The following HECW1 variants were observed in gnomAD, a reference collection of about 807,000 sequenced individuals.
HECW1 encodes E3 ubiquitin-protein ligase HECW1.
Under a neutral mutation model 182.3 loss-of-function variants are expected in HECW1, and 61 were observed. The ratio of observed to expected loss-of-function variants is 0.33; its 90% CI spans 0.27 to 0.41. The LOEUF (loss-of-function observed/expected upper bound fraction) is 0.41. HECW1 is among the 10% of genes least tolerant of loss of function. The probability of loss-of-function intolerance (pLI) is 1.00; values close to 1 mark genes in which losing one functional copy is unlikely to be tolerated. For missense variants in HECW1, 1,739 were observed against 2,108.9 expected, an observed-to-expected ratio of 0.82 and a Z score of 3.44; for synonymous variants, 859 against 832.6, an observed-to-expected ratio of 1.03 and a Z score of -0.55.
chr7:43,227,411 T>C (rs1416225833), intron 2 of HECW1, among the ~76,000 whole-genome samples: 1 of 152,166 alleles, frequency 6.6e-6, no homozygotes, highest in Non-Finnish European at 1.5e-5. Context: ...TTAAAAAGCG[T>C]CTGGGTTTCA....
rs190590512 is a variant in HECW1 at position 43,396,902 on chromosome 7, C to T, written c.631+13C>T. The T allele has an allele frequency of 1.4e-5, 22 of 1,593,180 alleles. No homozygotes were observed. The African/African-American group carries it at 2.8e-4, about 20-fold the overall frequency. ...TTCTCTCTCTCAGGTATGTTTTGCT[C>T]ACCTGAGACTTTGTGGAGAGACTAA... On this transcript the variant is annotated intron_variant, in intron 7 of 29. Coordinates refer to ENST00000395891, the MANE Select transcript of HECW1 (RefSeq NM_015052.5).
At chr7:43,473,624 A>AT (rs920948543) in intron 16 of HECW1, among the ~76,000 whole-genome samples, 2 of 152,096 alleles carry the variant, frequency 1.3e-5, no homozygotes, top group African/African-American at 4.8e-5. Flanking sequence ...CCAGACTGGA[A>AT]TAAAAAAAAA....
chr7:43,219,845 G>A (rs1243639923), intron 2 of HECW1, among the ~76,000 whole-genome samples: 1 of 152,072 alleles, frequency 6.6e-6, no homozygotes, highest in Non-Finnish European at 1.5e-5. Flanking sequence ...GCAGAAATTG[G>A]GCATAAGACA....
At chr7:43,275,708 GCACA>G (rs146476821) in intron 3 of HECW1, among the ~76,000 whole-genome samples, 10 of 146,062 alleles carry the variant, frequency 6.8e-5, no homozygotes, top group East Asian at 4.0e-4. Flanking sequence ...TTATGCGCAC[GCACA>G]CACACACACA....
intron 11 of HECW1, among the ~76,000 whole-genome samples, chr7:43,446,654 A>G (rs2077065382): frequency 6.6e-6 from 1 of 152,222 alleles, no homozygotes; most frequent in African/African-American, 2.4e-5. Flanking sequence ...TAAAGTGAGC[A>G]TTAAAAAAAA....
At chr7:43,202,014 A>G (rs1452833372) in intron 2 of HECW1, among the ~76,000 whole-genome samples, 1 of 152,204 alleles carries the variant, frequency 6.6e-6, no homozygotes, top group East Asian at 1.9e-4. Flanking sequence ...AGGTTCCTTG[A>G]TGATAATAAA....
At chr7:43,241,645 T>TGTG (rs1347920713) in intron 2 of HECW1, among the ~76,000 whole-genome samples, 3 of 151,216 alleles carry the variant, frequency 2.0e-5, no homozygotes, top group Non-Finnish European at 4.4e-5. Context: ...TGTGTGTGTG[T>TGTG]GTGTGTGTGT....
At chr7:43,311,349 T>A (rs534838831) in intron 3 of HECW1, among the ~76,000 whole-genome samples, 30 of 152,250 alleles carry the variant, frequency 2.0e-4, no homozygotes, top group Non-Finnish European at 1.5e-5. Context: ...AGGTTAATAA[T>A]GATAATCATC....
chr7:43,407,123 G>A (rs752074877), intron 7 of HECW1, among the ~76,000 whole-genome samples: 12 of 152,108 alleles, frequency 7.9e-5, no homozygotes, highest in Non-Finnish European at 1.8e-4. Flanking sequence ...CCTGGCAGCA[G>A]GGTTTCTCAG....
chr7:43,379,998 C>T (rs2074480534), intron 6 of HECW1, among the ~76,000 whole-genome samples: 1 of 152,198 alleles, frequency 6.6e-6, no homozygotes, highest in Non-Finnish European at 1.5e-5. Flanking sequence ...CATTTGTATC[C>T]AACAAACATG....
intron 13 of HECW1, among the ~76,000 whole-genome samples, chr7:43,456,742 C>T (rs55990573): frequency 1.3e-5 from 2 of 152,138 alleles, no homozygotes; most frequent in African/African-American, 2.4e-5. Context: ...CCCTCTCCTG[C>T]GATGTTCACC....
At chr7:43,274,811 A>C (rs1802903390) in intron 3 of HECW1, among the ~76,000 whole-genome samples, 1 of 152,228 alleles carries the variant, frequency 6.6e-6, no homozygotes. Context: ...GACATGTAAA[A>C]ACTTTAAAAA....
intron 5 of HECW1, 80 bp from the exon 6 acceptor site, chr7:43,360,806 A>C: frequency 5.9e-6 from 6 of 1,011,606 alleles, no homozygotes; most frequent in South Asian, 1.3e-5. Context: ...TGCAGTTCTT[A>C]GAGATGTCCT....
intron 2 of HECW1, among the ~76,000 whole-genome samples, chr7:43,223,020 C>T: frequency 6.6e-6 from 1 of 152,230 alleles, no homozygotes; most frequent in East Asian, 1.9e-4. Context: ...CGAAACCAAA[C>T]TCTTGTTTTT....
chr7:43,551,556 C>G (rs1268238316), intron 27 of HECW1, among the ~76,000 whole-genome samples: 1 of 152,190 alleles, frequency 6.6e-6, no homozygotes, highest in African/African-American at 2.4e-5. Flanking sequence ...GATGTGGACT[C>G]TTGGCCTTTA....
At chr7:43,250,166 T>C (rs1265152849) in intron 3 of HECW1, among the ~76,000 whole-genome samples, 1 of 151,610 alleles carries the variant, frequency 6.6e-6, no homozygotes, top group Non-Finnish European at 1.5e-5. Context: ...CACACAGAAA[T>C]ACAAAATAAA....
At chr7:43,180,212 G>T (rs1792687860) in intron 2 of HECW1, among the ~76,000 whole-genome samples, 1 of 152,210 alleles carries the variant, frequency 6.6e-6, no homozygotes, top group South Asian at 2.1e-4. Flanking sequence ...GGTAATGAAT[G>T]TTTGCCCAGG....
chr7:43,413,133 A>C (rs1251332868), intron 8 of HECW1, among the ~76,000 whole-genome samples: 1 of 142,784 alleles, frequency 7.0e-6, no homozygotes, highest in Non-Finnish European at 1.5e-5. Flanking sequence ...CTGACTTTTT[A>C]ATGATTGCCA....
intron 17 of HECW1, chr7:43,484,491 C>T (rs1366152199): frequency 6.6e-6 from 1 of 152,196 alleles, no homozygotes; most frequent in Non-Finnish European, 1.5e-5. Context: ...ATTTCTTAGA[C>T]TACAACTTAC....
Sources: allele counts gnomAD v4.1 joint callset (sites outside exome capture counted in the v4.1 genomes callset), GRCh38; gene constraint gnomAD v4.1.1; transcripts MANE v1.5; gene names NCBI Gene and HGNC (gene_info 2026-07-23, HGNC 2026-07-21).